PKHD1: variants seen among roughly 807,000 people sequenced by gnomAD.
The protein encoded by PKHD1 is PKHD1 ciliary IPT domain containing fibrocystin/polyductin.
PKHD1 carries 291 observed loss-of-function variants against 412.0 expected under a neutral mutation model. The ratio of observed to expected loss-of-function variants is 0.71; its 90% CI spans 0.64 to 0.78. The LOEUF is 0.78. Ranked by LOEUF, PKHD1 falls within the 30% of genes least tolerant of loss-of-function variation. The probability of loss-of-function intolerance (pLI) is 0.00; values close to 1 mark genes in which losing one functional copy is unlikely to be tolerated. For missense variants in PKHD1, 4,825 were observed against 4,950.7 expected (o/e 0.97, Z 0.76); for synonymous variants, 1,777 against 1,821.5 (o/e 0.98, Z 0.62).
intron 35 of PKHD1, among the ~76,000 whole-genome samples, chr6:52,009,809 T>C (rs1015047650): frequency 2.6e-5 from 4 of 152,222 alleles, no homozygotes; most frequent in African/African-American, 7.2e-5. Context: ...CGAATGACCC[T>C]GAGGTCCTTT....
In PKHD1 at chr6:52,024,735, C is replaced by G. The variant is rs1801882025; in HGVS notation, c.5075G>C (p.Cys1692Ser). 1.2e-6 allele frequency: 2 copies of G among 1,614,074 alleles called. No individual in the cohort carries two copies. Among genetic ancestry groups the G allele is most frequent in the Non-Finnish European group, 1.7e-6 (2 of 1,180,044 alleles). The stretch of plus-strand genomic sequence containing the variant: ...GGTGTGGTTACCAGAGACACCCACA[C>G]AGGGTGACATTCCTATAAAAATGTC... ...NIDIFIGMSP[C>S]VGVSGNHTVL... Residue 1692 changes from cysteine to serine, a missense_variant, in exon 32 of 67, where the codon TGT becomes TCT. Transcript: ENST00000371117.
chr6:51,619,001 A>C lies in PKHD1; in HGVS notation c.*80T>G. The C allele has an allele frequency of 2.4e-6, 3 of 1,261,166 alleles. No individual in the cohort carries two copies. The highest frequency in any genetic ancestry group is 3.5e-6 in the Non-Finnish European group (3 of 860,650). 78.1% of individuals were successfully genotyped at this position (1,261,166 alleles called of 1,614,324 possible). Reference sequence around the variant, plus strand: ...CTCTTCTTAGTTGTCCCAGCAGGACAGTCCTCACTTCCCCAGCTTATTATC... The same window carrying C: ...CTCTTCTTAGTTGTCCCAGCAGGACCGTCCTCACTTCCCCAGCTTATTATC... On this transcript the variant is annotated 3_prime_UTR_variant, in exon 67 of 67. Transcript: ENST00000371117.
chr6:51,926,917 C>T (rs574819669), intron 37 of PKHD1, among the ~76,000 whole-genome samples: 42 of 152,196 alleles, frequency 2.8e-4, no homozygotes, highest in Admixed American at 2.6e-4. Context: ...GAGAGAAACA[C>T]TCATCAGTCA....
At chr6:51,998,285 A>G (rs1412869380) in intron 35 of PKHD1, among the ~76,000 whole-genome samples, 3 of 152,116 alleles carry the variant, frequency 2.0e-5, no homozygotes, top group African/African-American at 7.2e-5. Flanking sequence ...CCCACATTCT[A>G]TACAAGTCCT....
intron 46 of PKHD1, among the ~76,000 whole-genome samples, chr6:51,880,965 CAA>C (rs1242623170): frequency 1.3e-4 from 11 of 84,130 alleles, no homozygotes; most frequent in Non-Finnish European, 1.5e-4. Context: ...GACTCCGTCT[CAA>C]AAAAAAAAAA....
intron 60 of PKHD1, among the ~76,000 whole-genome samples, chr6:51,732,161 G>T (rs1039252951): frequency 6.6e-6 from 1 of 152,108 alleles, no homozygotes; most frequent in Non-Finnish European, 1.5e-5. Context: ...TGGATGCTAA[G>T]ATACTAAGTC....
intron 34 of PKHD1, among the ~76,000 whole-genome samples, chr6:52,012,718 T>A (rs1799963509): frequency 6.6e-6 from 1 of 152,192 alleles, no homozygotes; most frequent in Non-Finnish European, 1.5e-5. Context: ...ACCTAGAACC[T>A]TTTTTTGTTA....
At chr6:51,910,007 A>G (rs1202463391) in intron 39 of PKHD1, among the ~76,000 whole-genome samples, 1 of 152,158 alleles carries the variant, frequency 6.6e-6, no homozygotes, top group Non-Finnish European at 1.5e-5. Flanking sequence ...CTCCTGCACC[A>G]ACACCTACTT....
At chr6:51,797,192 C>T (rs1326041746) in intron 52 of PKHD1, among the ~76,000 whole-genome samples, 1 of 152,066 alleles carries the variant, frequency 6.6e-6, no homozygotes. Flanking sequence ...AGTTCTTCTG[C>T]ATTTGCTGAG....
chr6:51,651,223 TTGC>T (rs762891879), intron 61 of PKHD1, among the ~76,000 whole-genome samples: 2 of 152,204 alleles, frequency 1.3e-5, no homozygotes, highest in African/African-American at 4.8e-5. Context: ...GGTCACAGAC[TTGC>T]TGCTGCAGCA....
intron 60 of PKHD1, among the ~76,000 whole-genome samples, chr6:51,726,695 G>A (rs750045820): frequency 3.4e-4 from 52 of 152,196 alleles, no homozygotes; most frequent in Non-Finnish European, 2.9e-4. Context: ...CCTCTAAAAT[G>A]TGGTAAGTAA....
At chr6:51,761,734 A>G (rs574495451) in intron 55 of PKHD1, among the ~76,000 whole-genome samples, 1 of 152,238 alleles carries the variant, frequency 6.6e-6, no homozygotes. Flanking sequence ...CAATTAAAAA[A>G]TAAAACGAAA....
At chr6:51,664,842 A>G (rs75071607) in intron 60 of PKHD1, among the ~76,000 whole-genome samples, 2,745 of 152,228 alleles carry the variant, frequency 0.018, 96 homozygotes, top group African/African-American at 0.062. Context: ...CCTTGCTGTG[A>G]AAGGACCACA....
intron 40 of PKHD1, among the ~76,000 whole-genome samples, chr6:51,906,837 C>T (rs944831849): frequency 1.1e-4 from 17 of 152,228 alleles, no homozygotes; most frequent in African/African-American, 3.6e-4. Context: ...AAAGGTTGGC[C>T]TGAGGATCAT....
At position 51,903,646 on chromosome 6, in the gene PKHD1, A is replaced by T; in HGVS notation, c.6947T>A (p.Met2316Lys). The T allele has an allele frequency of 6.2e-7, 1 of 1,611,620 alleles. No homozygotes were observed. Among genetic ancestry groups the T allele is most frequent in the Non-Finnish European group, 8.5e-7 (1 of 1,178,044 alleles). The change falls in exon 43 of 67, where the codon ATG (methionine) becomes AAG (lysine). Residue 2316 changes from methionine to lysine, a missense_variant. Met to Lys is a moderately conservative substitution (Grantham distance 95). Coordinates refer to ENST00000371117, the MANE Select transcript of PKHD1 (RefSeq NM_138694.4). ...GATATAGATGCCAGATGGTGTCAAC[A>T]TTTCAGGATTGGAGAGTCCCTCGGC... Reference protein sequence around the residue: ...SGAEGLSNPEMLTPSGIYICS... With the variant: ...SGAEGLSNPEKLTPSGIYICS...
chr6:51,910,387 G>A, intron 39 of PKHD1, among the ~76,000 whole-genome samples: 1 of 152,082 alleles, frequency 6.6e-6, no homozygotes. Context: ...CCAGAGAAGA[G>A]GTGAATGAAG....
chr6:51,804,058 T>C (rs1235763294), intron 52 of PKHD1, among the ~76,000 whole-genome samples: 3 of 151,400 alleles, frequency 2.0e-5, no homozygotes, highest in Admixed American at 1.3e-4. Context: ...GAAGTCCTTT[T>C]AGTATTTGCT....
At chr6:51,931,820 G>C (rs921356834) in intron 37 of PKHD1, among the ~76,000 whole-genome samples, 2 of 151,708 alleles carry the variant, frequency 1.3e-5, no homozygotes, top group Admixed American at 6.6e-5. Context: ...ATAGGAAAAG[G>C]GGGAGAGAGA....
In PKHD1 at chr6:51,821,738, G is replaced by A. The variant is rs188161766; in HGVS notation, c.8302+9123C>T. ...TGTTTGTTTGTTTGTTTTTTGAGAC[G>A]GAGTCTCGCTCTGTCACCCAGGCTG... is the stretch of plus-strand genomic sequence containing the variant. On this transcript the variant is annotated intron_variant, in intron 52 of 66. Transcript: ENST00000371117. 5.1e-3 allele frequency among the ~76,000 whole-genome samples: 781 copies of A among 152,162 alleles called. 3 individuals are homozygous for A. The highest frequency in any genetic ancestry group is 7.8e-3 in the Non-Finnish European group (528 of 67,986).
Sources: allele counts gnomAD v4.1 joint callset (sites outside exome capture counted in the v4.1 genomes callset), GRCh38; gene constraint gnomAD v4.1.1; transcripts MANE v1.5; gene names NCBI Gene and HGNC (gene_info 2026-07-23, HGNC 2026-07-21).